Variants in DPH6 observed in about 807,000 individuals in gnomAD.
DPH6 encodes the protein diphthine--ammonia ligase.
A neutral mutation model predicts 38.2 loss-of-function variants in DPH6; 33 were observed. The observed-to-expected ratio is 0.86, with a 90% confidence interval of 0.65 to 1.15. DPH6 has a LOEUF of 1.15. Among genes scored for constraint, DPH6 ranks in the 50% most tolerant of loss-of-function variants. DPH6 has a pLI of 0.00. For synonymous variants in DPH6, 108 were observed against 103.0 expected, an observed-to-expected ratio of 1.05 and a Z score of -0.30; for missense variants, 325 against 320.0, an observed-to-expected ratio of 1.02 and a Z score of -0.12.
chr15:35,174,918 TG>T, the DPH6 span, among the ~76,000 whole-genome samples: 4,420 of 152,300 alleles, frequency 0.029, 202 homozygotes, highest in African/African-American at 0.1. Context: ...AAAAAATATG[TG>T]TATCTCTTAC....
chr15:35,546,125 A>T lies in DPH6; in HGVS notation c.17T>A (p.Leu6Gln). 7.1e-7 allele frequency: 1 copy of T among 1,408,962 alleles called. No individual in the cohort carries two copies. Among genetic ancestry groups the T allele is most frequent in the Non-Finnish European group, 9.4e-7 (1 of 1,067,448 alleles). 87.3% of individuals were successfully genotyped at this position (1,408,962 alleles called of 1,614,324 possible). Residue 6 changes from leucine (L) to glutamine (Q), a missense_variant, in exon 1 of 9, where the codon CTG becomes CAG. Leu to Gln is a moderately radical substitution (Grantham distance 113). Coordinates refer to ENST00000256538, the MANE Select transcript of DPH6 (RefSeq NM_080650.4). The part of the protein sequence containing the change: MRVAA[L>Q]ISGGKDSCYN... ...GGCTCCAGGACCGCATTACCTGATC[A>T]GAGCCGCGACCCTCATGCTGGGCGC... is the stretch of plus-strand genomic sequence containing the variant.
chr15:35,336,541 C>T (rs1350147991), intron 3 of DPH6, among the ~76,000 whole-genome samples: 2 of 152,114 alleles, frequency 1.3e-5, no homozygotes, highest in South Asian at 2.1e-4. Context: ...AAAGGGAATG[C>T]TTCCAGTTTT....
chr15:35,425,950 G>T (rs1463640447), intron 5 of DPH6, among the ~76,000 whole-genome samples: 1 of 150,942 alleles, frequency 6.6e-6, no homozygotes, highest in Non-Finnish European at 1.5e-5. Flanking sequence ...AATAAAATAA[G>T]CAAAACCAGC....
intron 2 of DPH6, among the ~76,000 whole-genome samples, chr15:35,541,191 T>C (rs1285644047): frequency 6.6e-6 from 1 of 152,092 alleles, no homozygotes; most frequent in African/African-American, 2.4e-5. Flanking sequence ...TTTCTTCCTA[T>C]AAAATATTTC....
intron 3 of DPH6, among the ~76,000 whole-genome samples, chr15:35,516,799 A>G (rs922330169): frequency 2.0e-5 from 3 of 152,164 alleles, no homozygotes; most frequent in African/African-American, 7.2e-5. Flanking sequence ...AAGAGGAAAT[A>G]GCATGGAGCT....
the DPH6 span, among the ~76,000 whole-genome samples, chr15:35,163,738 C>A: frequency 1.3e-5 from 2 of 151,866 alleles, no homozygotes; most frequent in Admixed American, 1.3e-4. Context: ...TTGCACATCA[C>A]TACCTTGTAA....
chr15:35,543,031 A>C (rs2055285423), intron 1 of DPH6, among the ~76,000 whole-genome samples: 1 of 141,858 alleles, frequency 7.0e-6, no homozygotes, highest in African/African-American at 2.6e-5. Flanking sequence ...AAAAAAAAAA[A>C]CAAATTCTGC....
intron 3 of DPH6, among the ~76,000 whole-genome samples, chr15:35,360,841 T>G (rs933944206): frequency 6.6e-6 from 1 of 151,734 alleles, no homozygotes; most frequent in Non-Finnish European, 1.5e-5. Context: ...TAGAGCCCAG[T>G]TAAGGGCCAC....
At chr15:35,281,218 G>A (rs2051897173) in intron 3 of DPH6, among the ~76,000 whole-genome samples, 1 of 151,978 alleles carries the variant, frequency 6.6e-6, no homozygotes, top group Non-Finnish European at 1.5e-5. Flanking sequence ...GGTCATGTAA[G>A]TCTTGCTCCC....
chr15:35,488,375 G>A (rs774239856), intron 3 of DPH6, among the ~76,000 whole-genome samples: 2 of 152,140 alleles, frequency 1.3e-5, no homozygotes, highest in Non-Finnish European at 2.9e-5. Flanking sequence ...CATAAGACAT[G>A]GTAATTTATG....
chr15:35,500,969 G>A (rs1161964803), intron 3 of DPH6, among the ~76,000 whole-genome samples: 1 of 152,072 alleles, frequency 6.6e-6, no homozygotes, highest in Non-Finnish European at 1.5e-5. Context: ...TTGAATTCCT[G>A]ACCTCAGATG....
chr15:35,431,790 A>G (rs2053635088), intron 5 of DPH6, among the ~76,000 whole-genome samples: 1 of 152,114 alleles, frequency 6.6e-6, no homozygotes, highest in South Asian at 2.1e-4. Flanking sequence ...ATCACTTGGC[A>G]AAGTTTTTTT....
intron 3 of DPH6, among the ~76,000 whole-genome samples, chr15:35,313,225 T>C (rs1329672021): frequency 6.6e-6 from 1 of 151,786 alleles, no homozygotes; most frequent in Non-Finnish European, 1.5e-5. Context: ...AGAGTGAGAC[T>C]CAGTTTAAAA....
chr15:35,408,533 A>T (rs975161443), intron 6 of DPH6, among the ~76,000 whole-genome samples: 5 of 151,964 alleles, frequency 3.3e-5, no homozygotes, highest in Non-Finnish European at 5.9e-5. Context: ...AGTCATCAGA[A>T]TACAGCTAAT....
intron 1 of DPH6, among the ~76,000 whole-genome samples, chr15:35,545,766 G>GA (rs1010707667): frequency 6.7e-4 from 100 of 149,296 alleles, no homozygotes; most frequent in Non-Finnish European, 1.2e-3. Context: ...ATTAGAGCTT[G>GA]AAAAAAAAAA....
intron 3 of DPH6, among the ~76,000 whole-genome samples, chr15:35,295,180 C>A (rs2052006799): frequency 6.6e-6 from 1 of 152,144 alleles, no homozygotes. Context: ...ACTAACCAGG[C>A]CCACATTTAA....
At chr15:35,148,943 A>C in the DPH6 span, among the ~76,000 whole-genome samples, 1 of 152,306 alleles carries the variant, frequency 6.6e-6, no homozygotes, top group South Asian at 2.1e-4. Context: ...GCTTCATTAA[A>C]GAATGTTTTG....
intron 3 of DPH6, among the ~76,000 whole-genome samples, chr15:35,229,796 G>T (rs537914752): frequency 1.2e-4 from 18 of 152,310 alleles, no homozygotes; most frequent in Non-Finnish European, 2.4e-4. Context: ...ACTTGTAGAG[G>T]TATACTGCCT....
chr15:35,451,854 C>CA (rs1466335395), intron 4 of DPH6, among the ~76,000 whole-genome samples: 1 of 152,046 alleles, frequency 6.6e-6, no homozygotes, highest in African/African-American at 2.4e-5. Flanking sequence ...ACTAAAAATA[C>CA]AAAAAATTAG....
Sources: gnomAD v4.1 joint callset for allele counts (sites outside exome capture counted in the v4.1 genomes callset) on GRCh38, gnomAD v4.1.1 for gene constraint, MANE v1.5 for transcripts, NCBI Gene and HGNC (gene_info 2026-07-23, HGNC 2026-07-21) for gene names.